The following IFNGR2 variants were observed in gnomAD, a reference collection of about 807,000 sequenced individuals.
IFNGR2 encodes interferon gamma receptor 2.
Under a neutral mutation model 41.1 loss-of-function variants are expected in IFNGR2, and 15 were observed. That is an observed-to-expected ratio of 0.37 (90% CI 0.24 to 0.56). The LOEUF (loss-of-function observed/expected upper bound fraction) is 0.56, where lower values mean the gene tolerates loss of function less well. Among genes scored for constraint, IFNGR2 ranks in the 20% least tolerant of loss-of-function variants. The pLI, the probability that IFNGR2 is intolerant of heterozygous loss-of-function variation, is 0.81. For missense variants in IFNGR2, 362 were observed against 415.7 expected (o/e 0.87, Z 1.12); for synonymous variants, 161 against 171.6 (o/e 0.94, Z 0.48).
chr21:33,424,809 TCA>T (rs1260973034), intron 3 of IFNGR2, among the ~76,000 whole-genome samples: 2 of 152,224 alleles, frequency 1.3e-5, no homozygotes, highest in African/African-American at 4.8e-5. Context: ...TGGAGCGATC[TCA>T]GTTCACTGCA....
At chr21:33,424,776 C>T (rs1158426612) in intron 3 of IFNGR2, among the ~76,000 whole-genome samples, 3 of 152,228 alleles carry the variant, frequency 2.0e-5, no homozygotes, top group Admixed American at 6.5e-5. Context: ...CAGTCTCGCT[C>T]TGTCGCCCAG....
Position 33,414,967 on chromosome 21 carries a change from A to T in IFNGR2, c.153A>T (p.Pro51=), listed in dbSNP as rs745427628. ...CAGAGCAGGTCCTGAGTTGGGAGCC[A>T]GTGGCCCTGAGCAATAGCACGAGGC... is the stretch of plus-strand genomic sequence containing the variant. ...YNAEQVLSWE[P]VALSNSTRPV... is the part of the protein sequence containing the mutation. The change falls in exon 2 of 7, where the codon CCA becomes CCT. Residue 51 remains proline (P), a synonymous_variant. Coordinates refer to ENST00000290219, the MANE Select transcript of IFNGR2 (RefSeq NM_005534.4). 2 of 1,614,180 alleles carry T rather than the reference A, an allele frequency of 1.2e-6. No individual in the cohort carries two copies. The highest frequency in any genetic ancestry group is 3.3e-5 in the Admixed American group (2 of 60,014).
intron 1 of IFNGR2, among the ~76,000 whole-genome samples, chr21:33,408,065 A>G (rs2083690757): frequency 6.6e-6 from 1 of 152,146 alleles, no homozygotes; most frequent in African/African-American, 2.4e-5. Context: ...CGCCCCCAAT[A>G]GAAAGATCCT....
At chr21:33,410,782 T>C in intron 1 of IFNGR2, 1 of 1,239,078 alleles carries the variant, frequency 8.1e-7, no homozygotes, top group Non-Finnish European at 1.2e-6. Flanking sequence ...AGAATAACTT[T>C]TTACATGTTG....
rs762420616 is a variant in IFNGR2 at position 33,403,552 on chromosome 21, G to A, written c.9G>A (p.Pro3=). Residue 3 remains proline (P), a synonymous_variant, in exon 1 of 7, where the codon CCG becomes CCA. Transcript: ENST00000290219. MR[P]TLLWSLLLLL... Reference sequence around the variant, plus strand: ...GCCGAGCGCCCGGGGCCATGCGACCGACGCTGCTGTGGTCGCTGCTGCTGC... The same window carrying A: ...GCCGAGCGCCCGGGGCCATGCGACCAACGCTGCTGTGGTCGCTGCTGCTGC... 6.0e-6 allele frequency: 8 copies of A among 1,328,360 alleles called. No individual in the cohort carries two copies. The African/African-American group carries it at 7.7e-5, about 13-fold the overall frequency. 82.3% of individuals were successfully genotyped at this position (1,328,360 alleles called of 1,614,324 possible). A position where few individuals can be genotyped will look rare whatever the true frequency, so the allele number is the denominator to read the frequency against.
At chr21:33,420,731 C>A (rs1387834214) in intron 2 of IFNGR2, among the ~76,000 whole-genome samples, 2 of 152,082 alleles carry the variant, frequency 1.3e-5, no homozygotes, top group Non-Finnish European at 2.9e-5. Flanking sequence ...TACAATTCAA[C>A]AATTAGAAGA....
intron 1 of IFNGR2, among the ~76,000 whole-genome samples, chr21:33,404,141 T>A (rs954236452): frequency 6.6e-6 from 1 of 152,282 alleles, no homozygotes; most frequent in African/African-American, 2.4e-5. Context: ...CCACTGGTTC[T>A]GCAGCCTGGC....
rs1004088419 is a variant in IFNGR2, at chr21:33,432,278, T to C, written c.663T>C (p.Ser221=). The C allele has an allele frequency of 1.2e-6, 2 of 1,614,002 alleles. No individual in the cohort carries two copies. The highest frequency in any genetic ancestry group is 2.7e-5 in the African/African-American group (2 of 74,938). ...QVQAQLLWNK[S]NIFRVGHLSN... Reference sequence around the variant, plus strand: ...AGGCACAACTGCTTTGGAACAAAAGTAACATCTTTAGAGTCGGGCATTTAA... The same window carrying C: ...AGGCACAACTGCTTTGGAACAAAAGCAACATCTTTAGAGTCGGGCATTTAA... The change falls in exon 5 of 7, where the codon AGT becomes AGC. Residue 221 remains serine (S), a synonymous_variant. Transcript: ENST00000290219.
intron 1 of IFNGR2, among the ~76,000 whole-genome samples, chr21:33,414,386 C>A (rs939076327): frequency 1.3e-5 from 2 of 152,190 alleles, no homozygotes; most frequent in African/African-American, 4.8e-5. Flanking sequence ...CACGTGTGCA[C>A]GTATTTGCGG....
Position 33,421,557 on chromosome 21 carries a change from A to C in IFNGR2, c.284A>C (p.Asp95Ala). The stretch of plus-strand genomic sequence containing the variant: ...ACACAGATCACAGCAACAGAGTGTG[A>C]CTTCACTGCCGCCAGTCCCTCAGCA... ...NCTQITATEC[D>A]FTAASPSAGF... is the part of the protein sequence containing the mutation. Residue 95 changes from aspartate (D) to alanine (A), a missense_variant, in exon 3 of 7, where the codon GAC becomes GCC. Physicochemically the swap from Asp to Ala is moderately radical, Grantham distance 126 (BLOSUM62 -2). Coordinates refer to ENST00000290219, the MANE Select transcript of IFNGR2 (RefSeq NM_005534.4). 1 of 1,614,038 alleles carries C rather than the reference A, an allele frequency of 6.2e-7. No individual in the cohort carries two copies. Among genetic ancestry groups the C allele is most frequent in the South Asian group, 1.1e-5 (1 of 91,082 alleles).
rs185809801 is a variant in IFNGR2 at position 33,404,635 on chromosome 21, C to T, written c.73+1019C>T. On this transcript the variant is annotated intron_variant, in intron 1 of 6. Coordinates refer to ENST00000290219, the MANE Select transcript of IFNGR2 (RefSeq NM_005534.4). Reference sequence around the variant, plus strand: ...GTAGAGAGGAGGTCTCACTGTGTTGCCCAGGCTGTTCTTGTACTCCTGAGC... The same window carrying T: ...GTAGAGAGGAGGTCTCACTGTGTTGTCCAGGCTGTTCTTGTACTCCTGAGC... Among the ~76,000 whole-genome samples, 231 of 152,172 alleles carry T rather than the reference C, an allele frequency of 1.5e-3. 1 individual carries two copies. Among genetic ancestry groups the T allele is most frequent in the Non-Finnish European group, 1.9e-3 (127 of 68,004 alleles).
Position 33,432,891 on chromosome 21 carries a change from T to TG in IFNGR2, c.879+20_879+21insG, listed in dbSNP as rs747344228. The TG allele has an allele frequency of 4.7e-6, 4 of 842,426 alleles. No individual in the cohort carries two copies. In the African/African-American group the frequency reaches 6.0e-5, roughly 13 times the overall value. 52.2% of individuals were successfully genotyped at this position (842,426 alleles called of 1,614,324 possible). On this transcript the variant is annotated intron_variant, in intron 6 of 6. Coordinates refer to ENST00000290219, the MANE Select transcript of IFNGR2 (RefSeq NM_005534.4). Reference sequence around the variant, plus strand: ...GAAGAGGTACGTGTGCACACATCTCTTTTTTTTTTTTTGAGACAGGGTCTT... The same window carrying TG: ...GAAGAGGTACGTGTGCACACATCTCTGTTTTTTTTTTTTGAGACAGGGTCTT...
At position 33,411,868 on chromosome 21, in the gene IFNGR2, G is replaced by GC. The variant is rs1568951388; in HGVS notation, c.74-3019dup. 3.9e-5 allele frequency among the ~76,000 whole-genome samples: 6 copies of GC among 152,320 alleles called. No homozygotes were observed. In the South Asian group the frequency reaches 1.2e-3, roughly 32 times the overall value. ...GAGACTGACTTTAAACTTCTGACCAGCAGAACTATAAGAAAATAAATTTAG... is the reference window on the plus strand; with the variant it reads ...GAGACTGACTTTAAACTTCTGACCAGCCAGAACTATAAGAAAATAAATTTAG... On this transcript the variant is annotated intron_variant, in intron 1 of 6. Transcript: ENST00000290219.
At chr21:33,417,687 G>C (rs1406094087) in intron 2 of IFNGR2, among the ~76,000 whole-genome samples, 1 of 152,160 alleles carries the variant, frequency 6.6e-6, no homozygotes, top group East Asian at 1.9e-4. Context: ...CTTGATGTGA[G>C]CGCACAGGTC....
intron 6 of IFNGR2, among the ~76,000 whole-genome samples, chr21:33,435,390 C>T (rs1360010110): frequency 6.6e-6 from 1 of 152,036 alleles, no homozygotes; most frequent in African/African-American, 2.4e-5. Context: ...TTAGAGACGT[C>T]TTAAGATTAA....
intron 2 of IFNGR2, among the ~76,000 whole-genome samples, chr21:33,419,442 G>T (rs973460575): frequency 6.7e-6 from 1 of 148,464 alleles, no homozygotes; most frequent in African/African-American, 2.5e-5. Context: ...TTCTAAATTC[G>T]TTCTCTTGTT....
intron 1 of IFNGR2, among the ~76,000 whole-genome samples, chr21:33,410,091 A>G (rs992727443): frequency 7.8e-6 from 1 of 128,210 alleles, no homozygotes; most frequent in Non-Finnish European, 1.7e-5. Context: ...AGTTACAGAT[A>G]TATTACAGAT....
upstream of IFNGR2, chr21:33,403,176 G>A (rs937110944): frequency 5.9e-5 from 9 of 152,650 alleles, no homozygotes; most frequent in East Asian, 1.6e-3. Flanking sequence ...CGGAAGGATC[G>A]CGGCCCCCGA....
chr21:33,437,012 C>A lies in IFNGR2; in HGVS notation c.*50C>A. 6.2e-7 allele frequency: 1 copy of A among 1,602,560 alleles called. No homozygotes were observed. Among genetic ancestry groups the A allele is most frequent in the Non-Finnish European group, 8.5e-7 (1 of 1,170,328 alleles). On this transcript the variant is annotated 3_prime_UTR_variant, in exon 7 of 7. Transcript: ENST00000290219. ...GGCTCCCTGGAAGAGATCAAGCCAT[C>A]GGAGCTGCTAGAGTTCTGTCTGGAC...
Sources: allele counts gnomAD v4.1 joint callset (sites outside exome capture counted in the v4.1 genomes callset), GRCh38; gene constraint gnomAD v4.1.1; transcripts MANE v1.5; gene names NCBI Gene and HGNC (gene_info 2026-07-23, HGNC 2026-07-21).